XIRP2: variants seen among roughly 807,000 people sequenced by gnomAD.
XIRP2 encodes xin actin binding repeat containing 2.
A neutral mutation model predicts 277.0 loss-of-function variants in XIRP2; 236 were observed. The observed-to-expected ratio is 0.85, with a 90% CI of 0.77 to 0.95. The LOEUF (loss-of-function observed/expected upper bound fraction) is 0.95. Ranked by LOEUF, XIRP2 falls within the 40% of genes least tolerant of loss-of-function variation. The pLI is 0.00. For synonymous variants in XIRP2, 1,490 were observed against 1,416.5 expected (o/e 1.05, Z -1.17); for missense variants, 4,640 against 4,157.5 (o/e 1.12, Z -3.19).
chr2:167,013,628 T>C (rs1363986466), intron 2 of XIRP2, among the ~76,000 whole-genome samples: 1 of 151,606 alleles, frequency 6.6e-6, no homozygotes, highest in South Asian at 2.1e-4. Flanking sequence ...AATGTACTAA[T>C]TATAACATTA....
chr2:167,251,569 C>T lies in XIRP2; in HGVS notation c.10177C>T (p.His3393Tyr), dbSNP rs1695504190. Reference protein sequence around the residue: ...NTSFTDFSCKHPRELREKIPV... With the variant: ...NTSFTDFSCKYPRELREKIPV... Reference sequence around the variant, plus strand: ...GAGTTTTACAGACTTTTCTTGCAAACATCCTAGAGAACTGCGAGAAAAGAT... The same window carrying T: ...GAGTTTTACAGACTTTTCTTGCAAATATCCTAGAGAACTGCGAGAAAAGAT... The change falls in exon 9 of 11, where the codon CAT becomes TAT. Residue 3393 changes from histidine to tyrosine, a missense_variant. His to Tyr is a moderately conservative substitution (Grantham distance 83). Transcript: ENST00000409195. The T allele has an allele frequency of 6.2e-7, 1 of 1,613,568 alleles. No individual in the cohort carries two copies. The highest frequency in any genetic ancestry group is 8.5e-7 in the Non-Finnish European group (1 of 1,179,646).
chr2:166,892,933 TA>T (rs1035025315), intron 1 of XIRP2, among the ~76,000 whole-genome samples: 9 of 149,076 alleles, frequency 6.0e-5, no homozygotes, highest in Non-Finnish European at 1.3e-4. Flanking sequence ...TATATATGTG[TA>T]TATGTGTATA....
In XIRP2 at chr2:167,249,784, A is replaced by G; in HGVS notation, c.8392A>G (p.Lys2798Glu). ...SIQKNQEDKLKMVPRKQREFS... is the reference protein window; with the variant it reads ...SIQKNQEDKLEMVPRKQREFS... The stretch of plus-strand genomic sequence containing the variant: ...ACAGAAGAACCAGGAAGATAAGCTC[A>G]AGATGGTTCCCAGGAAGCAAAGAGA... The change falls in exon 9 of 11, where the codon AAG (lysine) becomes GAG (glutamate). Residue 2798 changes from lysine (K) to glutamate (E), a missense_variant. Transcript: ENST00000409195. 2 of 1,611,560 alleles carry G rather than the reference A, an allele frequency of 1.2e-6. 1 individual carries two copies. The highest frequency in any genetic ancestry group is 2.2e-5 in the South Asian group (2 of 91,006).
At chr2:167,198,490 A>G (rs1382891) in intron 3 of XIRP2, among the ~76,000 whole-genome samples, 5,814 of 152,272 alleles carry the variant, frequency 0.038, 193 homozygotes, top group East Asian at 0.14. Context: ...CAAGAGGCCA[A>G]TTACCTTTTC....
At chr2:167,000,648 G>A (rs76509493) in intron 2 of XIRP2, among the ~76,000 whole-genome samples, 5,542 of 152,016 alleles carry the variant, frequency 0.036, 116 homozygotes, top group East Asian at 0.061. Flanking sequence ...TGAAAAGTTG[G>A]TTATAAAGGA....
At chr2:166,926,870 A>G (rs939484538) in intron 2 of XIRP2, among the ~76,000 whole-genome samples, 2 of 152,124 alleles carry the variant, frequency 1.3e-5, no homozygotes, top group Non-Finnish European at 2.9e-5. Context: ...CTGACCCAGC[A>G]GGCACAGTGC....
chr2:167,015,430 C>CTATA (rs1687794838), intron 2 of XIRP2, among the ~76,000 whole-genome samples: 1 of 150,400 alleles, frequency 6.6e-6, no homozygotes. Context: ...ATCTATCTAT[C>CTATA]TATCTATCTA....
chr2:167,105,311 T>C (rs1400298559), intron 2 of XIRP2, among the ~76,000 whole-genome samples: 3 of 151,970 alleles, frequency 2.0e-5, no homozygotes, highest in Admixed American at 1.3e-4. Flanking sequence ...ACCACTTCTG[T>C]TCCAGCACCA....
At chr2:167,201,249 A>AAGGAGGGAGGGAGGGAAG (rs1559018365) in intron 3 of XIRP2, among the ~76,000 whole-genome samples, 3 of 99,744 alleles carry the variant, frequency 3.0e-5, no homozygotes, top group African/African-American at 1.9e-4. Context: ...AAAGAAAGAA[A>AAGGAGGGAGGGAGGGAAG]GAAAGAAAGA....
At chr2:166,905,404 T>C (rs190398650) in intron 2 of XIRP2, among the ~76,000 whole-genome samples, 11 of 152,072 alleles carry the variant, frequency 7.2e-5, no homozygotes, top group Non-Finnish European at 1.5e-4. Flanking sequence ...ACTGCTTATA[T>C]ACAACAGTAA....
intron 2 of XIRP2, among the ~76,000 whole-genome samples, chr2:167,089,029 A>G (rs1199398043): frequency 6.6e-6 from 1 of 152,140 alleles, no homozygotes; most frequent in Non-Finnish European, 1.5e-5. Flanking sequence ...AAATGGACAA[A>G]TTAATGACCT....
intron 2 of XIRP2, among the ~76,000 whole-genome samples, chr2:166,973,956 G>A (rs1417383056): frequency 2.0e-5 from 3 of 152,146 alleles, no homozygotes; most frequent in East Asian, 1.9e-4. Flanking sequence ...TCATTAAGGG[G>A]TCTAGTCTCA....
rs1210466297 is a variant in XIRP2 at position 166,984,485 on chromosome 2, C to A, written c.408+80595C>A. ...AATTTTTGGGTATTTAAAAATAAGT[C>A]TTTTAAAGATTACTATAAAATAATA... On this transcript the variant is annotated intron_variant, in intron 2 of 10. Coordinates refer to ENST00000409195, the MANE Select transcript of XIRP2 (RefSeq NM_152381.6). Among the ~76,000 whole-genome samples, 8 of 151,896 alleles carry A rather than the reference C, an allele frequency of 5.3e-5. No homozygotes were observed. The East Asian group carries it at 1.3e-3, about 26-fold the overall frequency.
intron 2 of XIRP2, among the ~76,000 whole-genome samples, chr2:167,135,035 A>T (rs888934231): frequency 2.0e-5 from 3 of 152,178 alleles, no homozygotes; most frequent in Non-Finnish European, 4.4e-5. Context: ...ACCTACAGTT[A>T]CAGGGAAGAC....
intron 3 of XIRP2, among the ~76,000 whole-genome samples, chr2:167,140,170 A>C (rs570076079): frequency 6.6e-6 from 1 of 152,348 alleles, no homozygotes; most frequent in Non-Finnish European, 1.5e-5. Context: ...TAAGAAAAAT[A>C]TAATTTCAAC....
rs149008109 is a variant in XIRP2, at chr2:167,022,247, C to T, written c.409-113662C>T. On this transcript the variant is annotated intron_variant, in intron 2 of 10. Coordinates refer to ENST00000409195, the MANE Select transcript of XIRP2 (RefSeq NM_152381.6). ...TGGATTCCTAAGACAACGTCTATAC[C>T]TGTGAAACAACAGATATTTTTATGT... Among the ~76,000 whole-genome samples the T allele has an allele frequency of 2.4e-3, 366 of 152,060 alleles. 5 individuals carry two copies. Among genetic ancestry groups the T allele is most frequent in the African/African-American group, 8.1e-3 (338 of 41,498 alleles).
At chr2:166,905,062 A>G (rs1185735581) in intron 2 of XIRP2, among the ~76,000 whole-genome samples, 1 of 152,032 alleles carries the variant, frequency 6.6e-6, no homozygotes, top group Non-Finnish European at 1.5e-5. Flanking sequence ...AGAATCTCTT[A>G]AAACATGCAA....
chr2:167,145,382 G>A (rs2105326917), intron 3 of XIRP2, among the ~76,000 whole-genome samples: 1 of 152,216 alleles, frequency 6.6e-6, no homozygotes, highest in East Asian at 1.9e-4. Context: ...TGAAAGAAAA[G>A]AGGAAGGGGA....
intron 2 of XIRP2, among the ~76,000 whole-genome samples, chr2:167,071,809 G>A (rs1689443999): frequency 6.6e-6 from 1 of 152,176 alleles, no homozygotes; most frequent in South Asian, 2.1e-4. Flanking sequence ...GCTGTTGCCA[G>A]GCTCTGGTAA....
Sources: allele counts gnomAD v4.1 joint callset (sites outside exome capture counted in the v4.1 genomes callset), GRCh38; gene constraint gnomAD v4.1.1; transcripts MANE v1.5; gene names NCBI Gene and HGNC (gene_info 2026-07-23, HGNC 2026-07-21).